The following LONRF1 variants were observed in gnomAD, a reference collection of about 807,000 sequenced individuals.
The protein encoded by LONRF1 is LON peptidase N-terminal domain and RING finger protein 1.
A neutral mutation model predicts 85.8 loss-of-function variants in LONRF1; 37 were observed. That is an observed-to-expected ratio of 0.43 (90% CI 0.33 to 0.57). The LOEUF (loss-of-function observed/expected upper bound fraction) is 0.57, where lower values mean the gene tolerates loss of function less well. LONRF1 is among the 20% of genes least tolerant of loss of function. LONRF1 has a pLI of 0.04. For missense variants in LONRF1, 1,036 were observed against 978.0 expected, an observed-to-expected ratio of 1.06 and a Z score of -0.79; for synonymous variants, 517 against 390.1, an observed-to-expected ratio of 1.33 and a Z score of -3.83.
intron 11 of LONRF1, 54 bp from the exon 12 acceptor site, chr8:12,723,308 C>G: frequency 7.9e-6 from 12 of 1,518,484 alleles, no homozygotes; most frequent in Non-Finnish European, 1.1e-5. Flanking sequence ...TATGTAACAA[C>G]AGTAGCAAAC....
At chr8:12,742,324 C>T (rs530746601) in intron 2 of LONRF1, among the ~76,000 whole-genome samples, 189 of 152,292 alleles carry the variant, frequency 1.2e-3, no homozygotes, top group African/African-American at 4.4e-3. Flanking sequence ...TAACTTATAT[C>T]TTAAAGAACA....
chr8:12,747,946 C>G (rs1422158792), intron 1 of LONRF1, among the ~76,000 whole-genome samples: 1 of 152,054 alleles, frequency 6.6e-6, no homozygotes, highest in Non-Finnish European at 1.5e-5. Context: ...ACATTTTTAA[C>G]ATGTAGTTTT....
intron 1 of LONRF1, among the ~76,000 whole-genome samples, chr8:12,747,444 T>G (rs1015575331): frequency 6.6e-6 from 1 of 152,050 alleles, no homozygotes; most frequent in African/African-American, 2.4e-5. Flanking sequence ...AAATAAGAGG[T>G]AAAAACTATC....
chr8:12,751,811 G>A (rs957902859), intron 1 of LONRF1, among the ~76,000 whole-genome samples: 17 of 151,784 alleles, frequency 1.1e-4, no homozygotes, highest in Admixed American at 8.5e-4. Context: ...ACAAAAGGCA[G>A]GCAGCATGGC....
At chr8:12,739,154 A>G (rs1015867691) in intron 3 of LONRF1, among the ~76,000 whole-genome samples, 7 of 152,156 alleles carry the variant, frequency 4.6e-5, no homozygotes, top group Middle Eastern at 3.2e-3. Context: ...ATGTAAAAAC[A>G]TATGTCCACA....
intron 1 of LONRF1, chr8:12,753,376 G>A (rs141698335): frequency 6.6e-6 from 1 of 152,224 alleles, no homozygotes; most frequent in South Asian, 2.1e-4. Context: ...TATTCTAGAT[G>A]TCTGTTTTCT....
chr8:12,731,578 A>T (rs1798530909), intron 8 of LONRF1, among the ~76,000 whole-genome samples, 158 bp downstream of exon 8: 1 of 152,134 alleles, frequency 6.6e-6, no homozygotes, highest in Admixed American at 6.5e-5. Flanking sequence ...TTACCAAGTG[A>T]ACTTTTATAA....
intron 1 of LONRF1, among the ~76,000 whole-genome samples, chr8:12,745,224 A>G (rs902791710): frequency 3.9e-5 from 6 of 152,060 alleles, no homozygotes; most frequent in Admixed American, 3.9e-4. Flanking sequence ...GTAGAGATAA[A>G]AAGAGCCAGA....
intron 3 of LONRF1, among the ~76,000 whole-genome samples, chr8:12,740,121 T>G (rs1431635528): frequency 1.3e-5 from 2 of 152,122 alleles, no homozygotes; most frequent in East Asian, 3.8e-4. Flanking sequence ...AAAGCCACAC[T>G]CTAAGAAACA....
chr8:12,729,927 G>A (rs576306050), intron 8 of LONRF1, among the ~76,000 whole-genome samples: 21 of 152,306 alleles, frequency 1.4e-4, no homozygotes, highest in Non-Finnish European at 1.2e-4. Flanking sequence ...TTCTGTCTGA[G>A]GTATGGGAAA....
intron 2 of LONRF1, among the ~76,000 whole-genome samples, 161 bp downstream of exon 2, chr8:12,743,003 G>C (rs1798999611): frequency 6.6e-6 from 1 of 152,166 alleles, no homozygotes; most frequent in African/African-American, 2.4e-5. Flanking sequence ...TAGGATTATG[G>C]AAATGAGCCA....
At chr8:12,744,919 T>G (rs1799085734) in intron 1 of LONRF1, among the ~76,000 whole-genome samples, 3 of 151,696 alleles carry the variant, frequency 2.0e-5, no homozygotes, top group African/African-American at 7.3e-5. Flanking sequence ...AAGTTCTCAC[T>G]CCTTTATATT....
intron 10 of LONRF1, chr8:12,727,207 T>C (rs774916916): frequency 6.8e-6 from 1 of 146,472 alleles, no homozygotes; most frequent in Non-Finnish European, 1.5e-5. Context: ...CAAGGAATGA[T>C]AACAATTATA....
At chr8:12,727,795 T>A (rs537913249) in intron 10 of LONRF1, among the ~76,000 whole-genome samples, 9 of 152,156 alleles carry the variant, frequency 5.9e-5, no homozygotes, top group Non-Finnish European at 1.2e-4. Context: ...CACAATACTT[T>A]CGGCCAACTG....
intron 6 of LONRF1, 43 bp from the exon 7 acceptor site, chr8:12,735,443 T>C (rs981114075): frequency 1.5e-6 from 2 of 1,290,826 alleles, no homozygotes; most frequent in Non-Finnish European, 2.2e-6. Flanking sequence ...CATTAAACTA[T>C]CCACTGAAAA....
At chr8:12,723,642 T>C (rs888389910) in intron 11 of LONRF1, among the ~76,000 whole-genome samples, 16 of 152,336 alleles carry the variant, frequency 1.1e-4, no homozygotes, top group African/African-American at 3.6e-4. Context: ...CTCTGATCTC[T>C]ATCCACCAGA....
intron 1 of LONRF1, among the ~76,000 whole-genome samples, chr8:12,750,840 G>A (rs1343044418): frequency 6.6e-6 from 1 of 152,108 alleles, no homozygotes; most frequent in Non-Finnish European, 1.5e-5. Context: ...AAAATTGCAA[G>A]GTTTAGATTC....
At chr8:12,739,744 C>G (rs1271703002) in intron 3 of LONRF1, among the ~76,000 whole-genome samples, 1 of 152,184 alleles carries the variant, frequency 6.6e-6, no homozygotes, top group Non-Finnish European at 1.5e-5. Flanking sequence ...AGAAGGATGT[C>G]TGGCAGCATG....
chr8:12,744,365 G>A (rs1010060498), intron 1 of LONRF1, among the ~76,000 whole-genome samples: 11 of 151,798 alleles, frequency 7.2e-5, no homozygotes, highest in Non-Finnish European at 1.5e-4. Flanking sequence ...AACATTTAAA[G>A]AATAAAATTA....
Sources: gnomAD v4.1 joint callset for allele counts (sites outside exome capture counted in the v4.1 genomes callset) on GRCh38, gnomAD v4.1.1 for gene constraint, MANE v1.5 for transcripts, NCBI Gene and HGNC (gene_info 2026-07-23, HGNC 2026-07-21) for gene names.